Variants in PRKN observed in about 807,000 individuals in gnomAD.
PRKN encodes the protein E3 ubiquitin-protein ligase parkin.
PRKN carries 56 observed loss-of-function variants against 59.5 expected under a neutral mutation model. The ratio of observed to expected loss-of-function variants is 0.94; its 90% confidence interval spans 0.76 to 1.18. The LOEUF is 1.18. Among genes scored for constraint, PRKN ranks in the 50% most tolerant of loss-of-function variants. The pLI, the probability that PRKN is intolerant of heterozygous loss-of-function variation, is 0.00. For synonymous variants in PRKN, 250 were observed against 222.1 expected, an observed-to-expected ratio of 1.13 and a Z score of -1.12; for missense variants, 657 against 596.4, an observed-to-expected ratio of 1.10 and a Z score of -1.06.
chr6:161,823,686 T>C (rs191466040), intron 6 of PRKN, among the ~76,000 whole-genome samples: 1 of 152,308 alleles, frequency 6.6e-6, no homozygotes, highest in Admixed American at 6.5e-5. Context: ...ATTTGGCAAG[T>C]CAGGTTTCAT....
At chr6:162,548,645 C>G (rs1274820762) in intron 1 of PRKN, among the ~76,000 whole-genome samples, 10 of 152,096 alleles carry the variant, frequency 6.6e-5, no homozygotes, top group Admixed American at 6.5e-4. Context: ...GGAAGGATGG[C>G]TATCCTTCCT....
intron 2 of PRKN, among the ~76,000 whole-genome samples, chr6:162,275,808 G>C (rs1412982114): frequency 6.6e-6 from 1 of 151,510 alleles, no homozygotes; most frequent in East Asian, 1.9e-4. Flanking sequence ...CGAAATTACA[G>C]ACACACACAT....
At chr6:162,171,112 T>C (rs1238465943) in intron 4 of PRKN, among the ~76,000 whole-genome samples, 6 of 151,994 alleles carry the variant, frequency 3.9e-5, no homozygotes, top group African/African-American at 1.4e-4. Context: ...ATAGACACCA[T>C]TGCCTCTTGG....
At chr6:161,732,480 T>C (rs1787758591) in intron 7 of PRKN, among the ~76,000 whole-genome samples, 1 of 132,250 alleles carries the variant, frequency 7.6e-6, no homozygotes, top group Admixed American at 6.7e-5. Context: ...AGAGGTTTTT[T>C]TTTTTTGTGT....
intron 2 of PRKN, among the ~76,000 whole-genome samples, chr6:162,344,338 T>C (rs941717421): frequency 1.0e-4 from 8 of 78,880 alleles, no homozygotes; most frequent in African/African-American, 3.2e-4. Flanking sequence ...CTTCCTTTTA[T>C]AAGTCAATTT....
chr6:162,614,776 T>C (rs1185374371), intron 1 of PRKN, among the ~76,000 whole-genome samples: 1 of 152,154 alleles, frequency 6.6e-6, no homozygotes, highest in African/African-American at 2.4e-5. Context: ...CTGTATTTTT[T>C]TAAAAAAGAA....
At position 161,401,174 on chromosome 6, in the gene PRKN, G is replaced by C. The variant is rs945924130; in HGVS notation, c.1084-14297C>G. On this transcript the variant is annotated intron_variant, in intron 9 of 11. Coordinates refer to ENST00000366898, the MANE Select transcript of PRKN (RefSeq NM_004562.3). The surrounding 1 kb of genome is among the most constrained non-coding windows in gnomAD (Gnocchi z 4.4). ...AAAGACACCTGTTTTTGCATGTAAA[G>C]TATCAGGCTGGAAGGCTTGGTCGGG... Among the ~76,000 whole-genome samples the C allele has an allele frequency of 1.3e-5, 2 of 152,146 alleles. No homozygotes were observed. The highest frequency in any genetic ancestry group is 2.4e-5 in the African/African-American group (1 of 41,422).
intron 1 of PRKN, among the ~76,000 whole-genome samples, chr6:162,511,622 G>A (rs73037923): frequency 1.6e-3 from 241 of 152,188 alleles, no homozygotes; most frequent in Non-Finnish European, 2.8e-3. Context: ...AATAATACAT[G>A]TATACGACTA....
intron 2 of PRKN, among the ~76,000 whole-genome samples, chr6:162,383,347 G>C (rs993808074): frequency 2.6e-5 from 4 of 152,166 alleles, no homozygotes; most frequent in African/African-American, 4.8e-5. Flanking sequence ...CGTTATGTTA[G>C]CAAGCATGAA....
At chr6:161,851,002 C>T (rs1461826048) in intron 6 of PRKN, among the ~76,000 whole-genome samples, 3 of 152,112 alleles carry the variant, frequency 2.0e-5, no homozygotes, top group Non-Finnish European at 4.4e-5. Flanking sequence ...CTTCCAATGC[C>T]CCAGTACTTA....
chr6:161,899,323 G>A (rs1453022357), intron 6 of PRKN, among the ~76,000 whole-genome samples: 1 of 152,298 alleles, frequency 6.6e-6, no homozygotes, highest in East Asian at 1.9e-4. Context: ...TTTTTACAAA[G>A]GTTATTATGA....
At position 161,972,307 on chromosome 6, in the gene PRKN, A is replaced by G. The variant is rs1246771416; in HGVS notation, c.734+995T>C. On this transcript the variant is annotated intron_variant, in intron 6 of 11. Coordinates refer to ENST00000366898, the MANE Select transcript of PRKN (RefSeq NM_004562.3). ...AAAAAAAAAAAGAGTTCTTCCTGAT[A>G]TGAGGGCTAAGTTCTCACTATTGCA... Among the ~76,000 whole-genome samples the G allele has an allele frequency of 1.3e-5, 2 of 151,662 alleles. 1 individual carries two copies. Among genetic ancestry groups the G allele is most frequent in the Non-Finnish European group, 2.9e-5 (2 of 67,936 alleles).
chr6:162,092,590 C>T (rs934143727), intron 4 of PRKN, among the ~76,000 whole-genome samples: 1 of 152,120 alleles, frequency 6.6e-6, no homozygotes, highest in African/African-American at 2.4e-5. Flanking sequence ...GGGTCATACT[C>T]CATAAGTCTG....
At chr6:162,097,463 A>C (rs777625207) in intron 4 of PRKN, among the ~76,000 whole-genome samples, 15 of 152,202 alleles carry the variant, frequency 9.9e-5, no homozygotes, top group Non-Finnish European at 1.9e-4. Context: ...ATACACAGCA[A>C]GTGGTGGAGA....
intron 2 of PRKN, among the ~76,000 whole-genome samples, chr6:162,354,969 AT>A (rs1203981615): frequency 1.3e-5 from 2 of 152,040 alleles, no homozygotes; most frequent in Non-Finnish European, 2.9e-5. Flanking sequence ...AATTAAAAAA[AT>A]AATATTGTTA....
Position 161,363,392 on chromosome 6 carries a change from T to C in PRKN, c.1168-3187A>G, listed in dbSNP as rs1253767587. On this transcript the variant is annotated intron_variant, in intron 10 of 11. Transcript: ENST00000366898. This position sits in a 1 kb window ranked among gnomAD's most constrained non-coding sequence, Gnocchi z 4.1. ...TTTGTTTTGTCCATTTTTCTGGACA[T>C]GAAACACTAATAATTAAAATTAGAA... Among the ~76,000 whole-genome samples, 3 of 152,158 alleles carry C rather than the reference T, an allele frequency of 2.0e-5. No homozygotes were observed. The highest frequency in any genetic ancestry group is 2.0e-4 in the Admixed American group (3 of 15,274).
At chr6:162,153,224 T>A (rs1782350118) in intron 4 of PRKN, among the ~76,000 whole-genome samples, 1 of 152,258 alleles carries the variant, frequency 6.6e-6, no homozygotes, top group Admixed American at 6.5e-5. Context: ...GGAACAAGCC[T>A]GCTCCTTCGG....
At chr6:161,600,864 G>C (rs1782079863) in intron 7 of PRKN, among the ~76,000 whole-genome samples, 1 of 151,988 alleles carries the variant, frequency 6.6e-6, no homozygotes, top group South Asian at 2.1e-4. Flanking sequence ...TTACAGGTCA[G>C]GGCAAAAATT....
intron 4 of PRKN, among the ~76,000 whole-genome samples, chr6:162,100,375 C>T (rs988003443): frequency 1.3e-5 from 2 of 152,048 alleles, no homozygotes; most frequent in Non-Finnish European, 2.9e-5. Context: ...ATTTACATTC[C>T]CACCAACAGT....
Sources: allele counts gnomAD v4.1 joint callset (sites outside exome capture counted in the v4.1 genomes callset), GRCh38; gene constraint gnomAD v4.1.1; non-coding constraint Gnocchi (gnomAD v3.1); transcripts MANE v1.5; gene names NCBI Gene and HGNC (gene_info 2026-07-23, HGNC 2026-07-21).